CLDN10: variants seen among roughly 807,000 people sequenced by gnomAD.
CLDN10 encodes claudin-10.
Under a neutral mutation model 22.9 loss-of-function variants are expected in CLDN10, and 15 were observed. That is an observed-to-expected ratio of 0.65 (90% CI 0.44 to 1.01). The LOEUF is 1.01. CLDN10 is among the 50% of genes least tolerant of loss of function. The pLI is 0.00. For synonymous variants in CLDN10, 114 were observed against 111.4 expected, an observed-to-expected ratio of 1.02 and a Z score of -0.15; for missense variants, 247 against 287.8, an observed-to-expected ratio of 0.86 and a Z score of 1.03.
rs867481830 is a variant in CLDN10 at position 95,547,293 on chromosome 13, T to G, written c.215-12839T>G. On this transcript the variant is annotated intron_variant, in intron 1 of 4. Transcript: ENST00000376873. Reference sequence around the variant, plus strand: ...CTATCCTCTGCTCTGACTTCCTGGTTTCCCTCCCTCTGCCCTCACTCTGGG... The same window carrying G: ...CTATCCTCTGCTCTGACTTCCTGGTGTCCCTCCCTCTGCCCTCACTCTGGG... 2.0e-5 allele frequency among the ~76,000 whole-genome samples: 3 copies of G among 152,216 alleles called. 1 individual carries two copies. In the Middle Eastern group the frequency reaches 0.01, roughly 518 times the overall value.
intron 1 of CLDN10, among the ~76,000 whole-genome samples, chr13:95,445,693 G>A (rs1307204860): frequency 6.6e-6 from 1 of 152,140 alleles, no homozygotes; most frequent in African/African-American, 2.4e-5. Context: ...TAACTTAATG[G>A]GGTTTGGCCT....
At chr13:95,508,842 A>T (rs2043066703) in intron 1 of CLDN10, among the ~76,000 whole-genome samples, 1 of 152,244 alleles carries the variant, frequency 6.6e-6, no homozygotes, top group Admixed American at 6.5e-5. Flanking sequence ...GTGGCTATGG[A>T]GGATTCATGA....
chr13:95,554,264 A>G (rs2043606133), intron 1 of CLDN10, among the ~76,000 whole-genome samples: 1 of 152,168 alleles, frequency 6.6e-6, no homozygotes, highest in Non-Finnish European at 1.5e-5. Context: ...ATGAACAGGC[A>G]TTCTCTTGTT....
At chr13:95,550,545 T>A (rs1197837137), upstream of CLDN10, among the ~76,000 whole-genome samples, 1 of 152,174 alleles carries the variant, frequency 6.6e-6, no homozygotes, top group Admixed American at 6.5e-5. Flanking sequence ...ATTAAATTTG[T>A]GTAATTTGTA....
At position 95,515,948 on chromosome 13, in the gene CLDN10, C is replaced by T. The variant is rs542298065; in HGVS notation, c.215-44184C>T. 1.2e-3 allele frequency among the ~76,000 whole-genome samples: 183 copies of T among 152,128 alleles called. No homozygotes were observed. In the Middle Eastern group the frequency reaches 0.037, roughly 31 times the overall value. On this transcript the variant is annotated intron_variant, in intron 1 of 4. Coordinates refer to the CLDN10 transcript ENST00000376873. ...AATGAGCTGGGCGTGATGGAGCATG[C>T]CTGTAATCCCAGCTACTCAGGAGGC... is the stretch of plus-strand genomic sequence containing the variant.
At chr13:95,462,572 G>A (rs2042545103) in intron 1 of CLDN10, among the ~76,000 whole-genome samples, 1 of 152,192 alleles carries the variant, frequency 6.6e-6, no homozygotes, top group Non-Finnish European at 1.5e-5. Context: ...AGGGTGGTTG[G>A]GAGTCTCTCA....
chr13:95,534,290 T>A (rs1186133432), intron 1 of CLDN10, among the ~76,000 whole-genome samples: 1 of 152,092 alleles, frequency 6.6e-6, no homozygotes, highest in Non-Finnish European at 1.5e-5. Flanking sequence ...GAAGAAAACA[T>A]GGTTATAACC....
intron 3 of CLDN10, among the ~76,000 whole-genome samples, chr13:95,568,851 G>T (rs1466001260): frequency 6.6e-6 from 1 of 152,106 alleles, no homozygotes; most frequent in African/African-American, 2.4e-5. Context: ...AAGGAACAGG[G>T]AGAGGCAGCA....
At position 95,512,038 on chromosome 13, in the gene CLDN10, T is replaced by G. The variant is rs868776834; in HGVS notation, c.215-48094T>G. On this transcript the variant is annotated intron_variant, in intron 1 of 4. Transcript: ENST00000376873. ...CAACAGTCCCCAGAGTTTTTGATGT[T>G]AATATGAGCAATGTGTTTGACCAAC... 4.0e-4 allele frequency among the ~76,000 whole-genome samples: 53 copies of G among 132,268 alleles called. 1 individual carries two copies. Among genetic ancestry groups the G allele is most frequent in the Middle Eastern group, 8.1e-3 (2 of 248 alleles). The allele number at this position is 132,268 out of a possible 152,430, so 86.8% of individuals were successfully genotyped here.
chr13:95,512,790 A>G (rs1470843178), intron 1 of CLDN10, among the ~76,000 whole-genome samples: 1 of 152,230 alleles, frequency 6.6e-6, no homozygotes, highest in Non-Finnish European at 1.5e-5. Context: ...CTGATTAGGG[A>G]AAAATCAGCT....
chr13:95,577,799 T>A, intron 4 of CLDN10, 101 bp from the exon 5 acceptor site: 1 of 662,902 alleles, frequency 1.5e-6, no homozygotes, highest in Non-Finnish European at 2.6e-6. Flanking sequence ...GAGGAAGATT[T>A]ACATTTAGAT....
intron 1 of CLDN10, among the ~76,000 whole-genome samples, chr13:95,521,074 A>C (rs1397375378): frequency 1.3e-5 from 2 of 150,144 alleles, no homozygotes; most frequent in Admixed American, 1.3e-4. Flanking sequence ...AATACTAATA[A>C]TTTTTCTGTA....
intron 1 of CLDN10, among the ~76,000 whole-genome samples, chr13:95,517,741 GC>G (rs1237838294): frequency 1.3e-4 from 20 of 152,120 alleles, no homozygotes; most frequent in Middle Eastern, 6.8e-3. Flanking sequence ...TTTGAGACCA[GC>G]CTGGTCAACA....
At chr13:95,445,351 G>A (rs1164628823) in intron 1 of CLDN10, among the ~76,000 whole-genome samples, 1 of 152,258 alleles carries the variant, frequency 6.6e-6, no homozygotes, top group Non-Finnish European at 1.5e-5. Context: ...AAGGGATCCA[G>A]ACTTTGTCTG....
intron 1 of CLDN10, among the ~76,000 whole-genome samples, chr13:95,534,247 C>T (rs976832924): frequency 4.0e-5 from 6 of 151,812 alleles, no homozygotes; most frequent in African/African-American, 1.5e-4. Flanking sequence ...CATTGGGTGT[C>T]TTTTTTTTCC....
At chr13:95,540,584 C>A (rs2043449946) in intron 1 of CLDN10, among the ~76,000 whole-genome samples, 2 of 152,162 alleles carry the variant, frequency 1.3e-5, no homozygotes. Context: ...GTAACAAATA[C>A]TTGGCATATA....
At chr13:95,484,881 A>AAAAGAAAG (rs1566295072) in intron 1 of CLDN10, among the ~76,000 whole-genome samples, 2 of 128,598 alleles carry the variant, frequency 1.6e-5, no homozygotes, top group African/African-American at 6.0e-5. Context: ...AAAAAAAAAA[A>AAAAGAAAG]AAAAAAAAAA....
intron 1 of CLDN10, among the ~76,000 whole-genome samples, chr13:95,454,073 C>T (rs1281930235): frequency 1.3e-5 from 2 of 152,114 alleles, no homozygotes; most frequent in African/African-American, 4.8e-5. Context: ...CTACCCGCAA[C>T]CAGGTTGACC....
chr13:95,525,941 A>G (rs2043276388), intron 1 of CLDN10, among the ~76,000 whole-genome samples: 1 of 152,204 alleles, frequency 6.6e-6, no homozygotes, highest in Non-Finnish European at 1.5e-5. Context: ...TTCTGGGTCT[A>G]TAAATCCTCT....
Sources: gnomAD v4.1 joint callset for allele counts (sites outside exome capture counted in the v4.1 genomes callset) on GRCh38, gnomAD v4.1.1 for gene constraint, MANE v1.5 for transcripts, NCBI Gene and HGNC (gene_info 2026-07-23, HGNC 2026-07-21) for gene names.